The following SLC6A7 variants were observed in gnomAD, a reference collection of about 807,000 sequenced individuals.
The protein encoded by SLC6A7 is sodium-dependent proline transporter.
A neutral mutation model predicts 73.1 loss-of-function variants in SLC6A7; 58 were observed. The ratio of observed to expected loss-of-function variants is 0.79; its 90% CI spans 0.64 to 0.99. The LOEUF (loss-of-function observed/expected upper bound fraction) is 0.99, where lower values mean the gene tolerates loss of function less well. Among genes scored for constraint, SLC6A7 ranks in the 50% least tolerant of loss-of-function variants. The pLI, the probability that SLC6A7 is intolerant of heterozygous loss-of-function variation, is 0.00. For synonymous variants in SLC6A7, 338 were observed against 338.7 expected (o/e 1.00, Z 0.02); for missense variants, 783 against 831.4 (o/e 0.94, Z 0.72).
At chr5:150,204,492 G>A (rs750245085) in intron 10 of SLC6A7, 40 bp from the exon 11 acceptor site, 1 of 1,474,490 alleles carries the variant, frequency 6.8e-7, no homozygotes, top group East Asian at 2.3e-5. Flanking sequence ...CAGAGAACGA[G>A]GCCCAGGAAG....
At chr5:150,195,175 C>A in intron 2 of SLC6A7, 1 of 392,904 alleles carries the variant, frequency 2.5e-6, no homozygotes, top group Non-Finnish European at 4.7e-6. Context: ...CACCCCACGC[C>A]CTGCACGGTG....
intron 8 of SLC6A7, 24 bp downstream of exon 8, chr5:150,202,727 T>G (rs762566937): frequency 3.0e-5 from 48 of 1,612,594 alleles, no homozygotes; most frequent in Non-Finnish European, 4.0e-5. Flanking sequence ...CAGGCCTCAG[T>G]GGGGTGAGCA....
chr5:150,190,120 G>C lies in SLC6A7; in HGVS notation c.-208G>C, dbSNP rs916346469. The C allele has an allele frequency of 2.6e-5, 12 of 458,492 alleles. No homozygotes were observed. Among genetic ancestry groups the C allele is most frequent in the Non-Finnish European group, 4.6e-5 (12 of 263,520 alleles). The allele number at this position is 458,492 out of a possible 1,614,324, so 28.4% of individuals were successfully genotyped here. On this transcript the variant is annotated 5_prime_UTR_variant, in exon 1 of 14. Transcript: ENST00000230671. ...AGCAGTGCACCCTTCCCCAGCCTCGGGCGCTGCGCAGGGACAGACAAGGCA... is the reference window on the plus strand; with the variant it reads ...AGCAGTGCACCCTTCCCCAGCCTCGCGCGCTGCGCAGGGACAGACAAGGCA...
chr5:150,208,228 A>G (rs11951929), intron 13 of SLC6A7, among the ~76,000 whole-genome samples: 4,115 of 152,056 alleles, frequency 0.027, 166 homozygotes, highest in African/African-American at 0.093. Context: ...ATAAATGGAG[A>G]GTGGTACTTT....
intron 12 of SLC6A7, 66 bp downstream of exon 12, chr5:150,204,993 C>A: frequency 1.9e-6 from 2 of 1,032,764 alleles, no homozygotes; most frequent in Non-Finnish European, 3.0e-6. Flanking sequence ...GTCCCCTCTG[C>A]ACGTTCAGTC....
chr5:150,199,196 C>T lies in SLC6A7; in HGVS notation c.585-32C>T, dbSNP rs756409571. 8.4e-6 allele frequency: 13 copies of T among 1,556,236 alleles called. 1 individual carries two copies. The South Asian group carries it at 1.2e-4, about 15-fold the overall frequency. On this transcript the variant is annotated intron_variant, in intron 4 of 13. Transcript: ENST00000230671. The stretch of plus-strand genomic sequence containing the variant: ...ATGTCTGTGGAGCCTGGTGGGGTGA[C>T]CAGGGGACACTGAGACCTTTGTCTC...
chr5:150,191,643 G>A (rs1752793115), intron 1 of SLC6A7, among the ~76,000 whole-genome samples: 1 of 152,118 alleles, frequency 6.6e-6, no homozygotes, highest in Non-Finnish European at 1.5e-5. Flanking sequence ...TGTTAGCCAG[G>A]ATGGTCTTGA....
Position 150,204,128 on chromosome 5 carries a change from G to C in SLC6A7, c.1332+90G>C, listed in dbSNP as rs373252844. 4.0e-5 allele frequency: 53 copies of C among 1,320,528 alleles called. No individual in the cohort carries two copies. The East Asian group carries it at 1.1e-3, about 26-fold the overall frequency. 81.8% of individuals were successfully genotyped at this position (1,320,528 alleles called of 1,614,324 possible). ...TCTGGCCCAGCTGAGCAGTTGCTGGGCCCCCTCCATCTTCCTCTTTGCAAG... is the reference window on the plus strand; with the variant it reads ...TCTGGCCCAGCTGAGCAGTTGCTGGCCCCCCTCCATCTTCCTCTTTGCAAG... On this transcript the variant is annotated intron_variant, in intron 10 of 13. Transcript: ENST00000230671.
In SLC6A7 at chr5:150,209,606, G is replaced by A. The variant is rs1381656816; in HGVS notation, c.1902G>A (p.Ser634=). 6 of 1,601,624 alleles carry A rather than the reference G, an allele frequency of 3.7e-6. No homozygotes were observed. Among genetic ancestry groups the A allele is most frequent in the South Asian group, 1.1e-5 (1 of 89,626 alleles). Residue 634 remains serine (S), a synonymous_variant, in exon 14 of 14, where the codon TCG becomes TCA. Coordinates refer to ENST00000230671, the MANE Select transcript of SLC6A7 (RefSeq NM_014228.5). ...GTGAGATTGCAGAGGAGGAGGAGTC[G>A]ATGATGTGAGGCAGGAGGCAGGCGG... The part of the protein sequence containing the change: ...VDREIAEEEE[S]MM
intron 3 of SLC6A7, 71 bp from the exon 4 acceptor site, chr5:150,196,970 TC>T (rs1389703907): frequency 3.9e-6 from 6 of 1,537,312 alleles, no homozygotes; most frequent in African/African-American, 1.4e-5. Context: ...AGCTGCCAGC[TC>T]CCCAGAAGCC....
chr5:150,207,797 A>C (rs552576134), intron 13 of SLC6A7, among the ~76,000 whole-genome samples: 1 of 152,222 alleles, frequency 6.6e-6, no homozygotes, highest in South Asian at 2.1e-4. Context: ...GACACTGTAA[A>C]GATTAAATTA....
Position 150,210,021 on chromosome 5 carries a change from C to G in SLC6A7, c.*406C>G. 1 of 225,358 alleles carries G rather than the reference C, an allele frequency of 4.4e-6. No homozygotes were observed. The highest frequency in any genetic ancestry group is 9.0e-6 in the Non-Finnish European group (1 of 111,192). The allele number at this position is 225,358 out of a possible 1,614,324, so 14.0% of individuals were successfully genotyped here. A position where few individuals can be genotyped will look rare whatever the true frequency, so the allele number is the denominator to read the frequency against. ...CTCTATTCAGGGCCTACACCCCTCCCTTTTTGGGGGGAGCCTGTCCCCACA... is the reference window on the plus strand; with the variant it reads ...CTCTATTCAGGGCCTACACCCCTCCGTTTTTGGGGGGAGCCTGTCCCCACA... On this transcript the variant is annotated 3_prime_UTR_variant, in exon 14 of 14. Coordinates refer to ENST00000230671, the MANE Select transcript of SLC6A7 (RefSeq NM_014228.5).
In SLC6A7 at chr5:150,203,742, T is replaced by A; in HGVS notation, c.1163T>A (p.Phe388Tyr). Residue 388 changes from phenylalanine to tyrosine, a missense_variant, in exon 9 of 14, where the codon TTC becomes TAC. Physicochemically the swap from Phe to Tyr is conservative, Grantham distance 22. Transcript: ENST00000230671. Reference sequence around the variant, plus strand: ...CTGTCACCCTTCTGGTCCTTTCTCTTCTTCTTCATGCTTCTGACTCTCGGC... The same window carrying A: ...CTGTCACCCTTCTGGTCCTTTCTCTACTTCTTCATGCTTCTGACTCTCGGC... ...LPLSPFWSFL[F>Y]FFMLLTLGLD... is the part of the protein sequence containing the mutation. 3.1e-6 allele frequency: 5 copies of A among 1,610,856 alleles called. No individual in the cohort carries two copies. The highest frequency in any genetic ancestry group is 4.2e-6 in the Non-Finnish European group (5 of 1,177,252).
intron 10 of SLC6A7, 142 bp from the exon 11 acceptor site, chr5:150,204,390 G>C: frequency 2.8e-6 from 2 of 720,570 alleles, no homozygotes; most frequent in Non-Finnish European, 5.0e-6. Context: ...AGGCCTAGAA[G>C]GGCTGGGCTG....
chr5:150,190,354 C>T lies in SLC6A7; in HGVS notation c.27C>T (p.Leu9=), dbSNP rs1350610826. The part of the protein sequence containing the change: MKKLQGAH[L]RKPVTPDLLM... ...TGAAGAAGCTCCAGGGAGCTCACCTCCGCAAGGTAGGGCACGAGGGCGGGG... is the reference window on the plus strand; with the variant it reads ...TGAAGAAGCTCCAGGGAGCTCACCTTCGCAAGGTAGGGCACGAGGGCGGGG... The change falls in exon 1 of 14, where the codon CTC becomes CTT. Residue 9 remains leucine, a synonymous_variant. Transcript: ENST00000230671. The T allele has an allele frequency of 6.7e-7, 1 of 1,502,530 alleles. No individual in the cohort carries two copies. The highest frequency in any genetic ancestry group is 1.5e-5 in the African/African-American group (1 of 68,846). 93.1% of individuals were successfully genotyped at this position (1,502,530 alleles called of 1,614,324 possible). A position where few individuals can be genotyped will look rare whatever the true frequency, so the allele number is the denominator to read the frequency against.
At position 150,201,191 on chromosome 5, in the gene SLC6A7, AC is replaced by A; in HGVS notation, c.832del (p.Gln278SerfsTer82). 6.2e-7 allele frequency: 1 copy of A among 1,608,462 alleles called. No individual in the cohort carries two copies. The highest frequency in any genetic ancestry group is 8.5e-7 in the Non-Finnish European group (1 of 1,177,050). ...GAWKGIQFYL[T>X]PQFHHLLSSK... ...CTGGAAGGGCATCCAGTTCTATCTC[AC>A]CCCCCAGTTCCACCACTTGTTGTCT... is the stretch of plus-strand genomic sequence containing the variant. On this transcript the variant is annotated frameshift_variant, in exon 6 of 14. Transcript: ENST00000230671. LOFTEE classifies it high-confidence loss of function.
At position 150,190,309 on chromosome 5, in the gene SLC6A7, C is replaced by G. The variant is rs1384386138; in HGVS notation, c.-19C>G. The G allele has an allele frequency of 3.3e-6, 5 of 1,510,078 alleles. No individual in the cohort carries two copies. Among genetic ancestry groups the G allele is most frequent in the South Asian group, 1.2e-5 (1 of 80,540 alleles). 93.5% of individuals were successfully genotyped at this position (1,510,078 alleles called of 1,614,324 possible). A position where few individuals can be genotyped will look rare whatever the true frequency, so the allele number is the denominator to read the frequency against. On this transcript the variant is annotated 5_prime_UTR_variant, in exon 1 of 14. Coordinates refer to ENST00000230671, the MANE Select transcript of SLC6A7 (RefSeq NM_014228.5). ...TCTGCGCTCCGGGGCAGCTGAGCCC[C>G]GGCCACCCGCTCTCCAAGATGAAGA...
intron 13 of SLC6A7, among the ~76,000 whole-genome samples, chr5:150,208,086 A>G (rs1298825543): frequency 6.6e-6 from 1 of 151,868 alleles, no homozygotes. Context: ...AACTGGTCTG[A>G]GCACCCCCGT....
rs201555923 is a variant in SLC6A7 at position 150,209,420 on chromosome 5, C to T, written c.1716C>T (p.Ala572=). ...EGSLWERLQQ[A]SRPAMDWGPS... is the part of the protein sequence containing the mutation. ...CTTTGCTGCAGCGGCTCCAACAGGC[C>T]AGCCGGCCGGCCATGGACTGGGGAC... is the stretch of plus-strand genomic sequence containing the variant. Residue 572 remains alanine (A), a synonymous_variant, in exon 14 of 14, where the codon GCC becomes GCT. Transcript: ENST00000230671. 6.1e-5 allele frequency: 98 copies of T among 1,613,560 alleles called. No individual in the cohort carries two copies. Among genetic ancestry groups the T allele is most frequent in the Non-Finnish European group, 8.0e-5 (94 of 1,179,976 alleles).
Sources: gnomAD v4.1 joint callset for allele counts (sites outside exome capture counted in the v4.1 genomes callset) on GRCh38, gnomAD v4.1.1 for gene constraint, MANE v1.5 for transcripts, NCBI Gene and HGNC (gene_info 2026-07-23, HGNC 2026-07-21) for gene names.